Variants in SIPA1L1 observed in about 807,000 individuals in gnomAD.
SIPA1L1 encodes signal induced proliferation associated 1 like 1.
A neutral mutation model predicts 162.7 loss-of-function variants in SIPA1L1; 26 were observed. The ratio of observed to expected loss-of-function variants is 0.16; its 90% CI spans 0.12 to 0.22. SIPA1L1 has a LOEUF of 0.22. Ranked by LOEUF, SIPA1L1 falls within the 10% of genes least tolerant of loss-of-function variation. SIPA1L1 has a pLI of 1.00. For missense variants in SIPA1L1, 1,874 were observed against 2,241.0 expected, an observed-to-expected ratio of 0.84 and a Z score of 3.31; for synonymous variants, 829 against 837.4, an observed-to-expected ratio of 0.99 and a Z score of 0.17.
intron 2 of SIPA1L1, among the ~76,000 whole-genome samples, chr14:71,398,076 C>T (rs1173779501): frequency 8.1e-6 from 1 of 124,146 alleles, no homozygotes; most frequent in Non-Finnish European, 1.6e-5. Flanking sequence ...ACTGCAGTGG[C>T]GCTATCTCTG....
intron 4 of SIPA1L1, among the ~76,000 whole-genome samples, chr14:71,585,432 ACT>A (rs1333202743): frequency 6.6e-6 from 1 of 152,180 alleles, no homozygotes; most frequent in Non-Finnish European, 1.5e-5. Flanking sequence ...GATTTTATAA[ACT>A]CATTAAAAAT....
intron 4 of SIPA1L1, among the ~76,000 whole-genome samples, chr14:71,540,902 G>A (rs915977840): frequency 2.0e-5 from 3 of 152,164 alleles, no homozygotes; most frequent in Admixed American, 6.5e-5. Context: ...CCAAGTAGGC[G>A]GATTGCCTGA....
At chr14:71,343,626 C>T (rs2035873208) in intron 2 of SIPA1L1, among the ~76,000 whole-genome samples, 1 of 152,028 alleles carries the variant, frequency 6.6e-6, no homozygotes, top group South Asian at 2.1e-4. Flanking sequence ...TGTTTCTTGT[C>T]TTTAAAAAAT....
intron 2 of SIPA1L1, among the ~76,000 whole-genome samples, chr14:71,458,500 C>A (rs1237363215): frequency 6.6e-6 from 1 of 151,952 alleles, no homozygotes; most frequent in East Asian, 1.9e-4. Flanking sequence ...AGGATTCATC[C>A]CCATTATGAA....
At chr14:71,537,914 A>G (rs1233871438) in intron 4 of SIPA1L1, among the ~76,000 whole-genome samples, 1 of 152,208 alleles carries the variant, frequency 6.6e-6, no homozygotes, top group East Asian at 1.9e-4. Context: ...GGACCAGGTA[A>G]CTGCCATTTT....
At chr14:71,618,972 AT>A in intron 6 of SIPA1L1, 85 bp downstream of exon 6, 12 of 1,431,840 alleles carry the variant, frequency 8.4e-6, no homozygotes, top group Non-Finnish European at 1.2e-5. Flanking sequence ...ATTAAATTTA[AT>A]AGCACATGGT....
intron 2 of SIPA1L1, among the ~76,000 whole-genome samples, chr14:71,350,539 C>T (rs2036600841): frequency 6.6e-6 from 1 of 152,020 alleles, no homozygotes; most frequent in African/African-American, 2.4e-5. Context: ...TTTTATACGC[C>T]TAGGGGAGCC....
intron 2 of SIPA1L1, among the ~76,000 whole-genome samples, chr14:71,329,591 C>A (rs574148773): frequency 6.6e-6 from 1 of 152,140 alleles, no homozygotes; most frequent in African/African-American, 2.4e-5. Context: ...ATGGTGTACA[C>A]CACCACACCC....
intron 2 of SIPA1L1, among the ~76,000 whole-genome samples, chr14:71,328,621 G>C (rs1057016036): frequency 6.6e-6 from 1 of 152,138 alleles, no homozygotes; most frequent in Non-Finnish European, 1.5e-5. Flanking sequence ...AGAGCCTCTG[G>C]ATCTTTTGTA....
At chr14:71,580,283 A>T (rs1253220545) in intron 4 of SIPA1L1, among the ~76,000 whole-genome samples, 1 of 152,186 alleles carries the variant, frequency 6.6e-6, no homozygotes. Flanking sequence ...CTTCAGATTT[A>T]GCCTCAATCC....
chr14:71,340,502 T>C (rs189892009), intron 2 of SIPA1L1, among the ~76,000 whole-genome samples: 85 of 152,354 alleles, frequency 5.6e-4, no homozygotes, highest in Middle Eastern at 3.4e-3. Flanking sequence ...ATTTAACAGA[T>C]GTAAGGAAAC....
chr14:71,502,885 C>T (rs1221325404), intron 2 of SIPA1L1, among the ~76,000 whole-genome samples: 2 of 152,116 alleles, frequency 1.3e-5, no homozygotes, highest in African/African-American at 4.8e-5. Context: ...TTAAATTTCT[C>T]CTAGCATAGT....
chr14:71,641,518 C>T (rs1230632782), intron 7 of SIPA1L1, among the ~76,000 whole-genome samples: 2 of 152,052 alleles, frequency 1.3e-5, no homozygotes, highest in Non-Finnish European at 2.9e-5. Flanking sequence ...GTCAGGAGAT[C>T]GAGACCATCC....
chr14:71,617,512 C>T (rs1048846939), intron 5 of SIPA1L1, among the ~76,000 whole-genome samples: 1 of 152,168 alleles, frequency 6.6e-6, no homozygotes, highest in Non-Finnish European at 1.5e-5. Flanking sequence ...ATTTCCATGG[C>T]TTATGATAAT....
intron 2 of SIPA1L1, among the ~76,000 whole-genome samples, chr14:71,418,397 A>G (rs945436873): frequency 6.6e-6 from 1 of 152,208 alleles, no homozygotes; most frequent in Admixed American, 6.5e-5. Context: ...ACAAAAGTCT[A>G]AAGGAAGGAA....
intron 7 of SIPA1L1, among the ~76,000 whole-genome samples, chr14:71,644,823 C>G (rs1447082106): frequency 6.6e-6 from 1 of 152,044 alleles, no homozygotes; most frequent in Non-Finnish European, 1.5e-5. Flanking sequence ...TTTATATTTT[C>G]AAGACAATAT....
At chr14:71,340,354 C>T (rs540659591) in intron 2 of SIPA1L1, among the ~76,000 whole-genome samples, 5 of 151,838 alleles carry the variant, frequency 3.3e-5, no homozygotes, top group South Asian at 2.1e-4. Context: ...GTCACGGTGT[C>T]GGCCCTAGTG....
At chr14:71,612,973 T>C (rs988711652) in intron 5 of SIPA1L1, among the ~76,000 whole-genome samples, 1 of 152,162 alleles carries the variant, frequency 6.6e-6, no homozygotes, top group African/African-American at 2.4e-5. Context: ...CCAGAACTAA[T>C]AAGAAAACTT....
intron 2 of SIPA1L1, among the ~76,000 whole-genome samples, chr14:71,352,463 G>C (rs1025624681): frequency 1.1e-4 from 16 of 152,136 alleles, no homozygotes; most frequent in African/African-American, 2.2e-4. Flanking sequence ...TACTGTTGCT[G>C]GTTTGTGAGC....
Sources: gnomAD v4.1 joint callset for allele counts (sites outside exome capture counted in the v4.1 genomes callset) on GRCh38, gnomAD v4.1.1 for gene constraint, MANE v1.5 for transcripts, NCBI Gene and HGNC (gene_info 2026-07-23, HGNC 2026-07-21) for gene names.